The following DGKH variants were observed in gnomAD, a reference collection of about 807,000 sequenced individuals.
DGKH encodes diacylglycerol kinase eta.
DGKH carries 90 observed loss-of-function variants against 159.3 expected under a neutral mutation model. The observed-to-expected ratio is 0.57, with a 90% CI of 0.48 to 0.67. The LOEUF (loss-of-function observed/expected upper bound fraction) is 0.67. DGKH is among the 30% of genes least tolerant of loss of function. DGKH has a pLI of 0.00. For synonymous variants in DGKH, 536 were observed against 553.8 expected, an observed-to-expected ratio of 0.97 and a Z score of 0.45; for missense variants, 1,181 against 1,506.1, an observed-to-expected ratio of 0.78 and a Z score of 3.57.
At chr13:42,139,479 T>C (rs1955484297) in intron 3 of DGKH, among the ~76,000 whole-genome samples, 5 of 152,186 alleles carry the variant, frequency 3.3e-5, no homozygotes, top group Admixed American at 3.3e-4. Context: ...GGACTTTCAG[T>C]CAGGGTGTCA....
intron 1 of DGKH, among the ~76,000 whole-genome samples, chr13:42,083,948 G>C (rs1362687566): frequency 6.6e-6 from 1 of 152,140 alleles, no homozygotes; most frequent in Non-Finnish European, 1.5e-5. Flanking sequence ...CAGCATTCCT[G>C]CCCGTCTCTA....
In DGKH at chr13:42,040,561, G is replaced by C. The variant is rs1016563549; in HGVS notation, c.-13+435G>C. Among the ~76,000 whole-genome samples, 182 of 151,906 alleles carry C rather than the reference G, an allele frequency of 1.2e-3. 1 individual carries two copies. The highest frequency in any genetic ancestry group is 4.1e-3 in the African/African-American group (170 of 41,476). On this transcript the variant is annotated intron_variant, in intron 1 of 29. Transcript: ENST00000379274. The stretch of plus-strand genomic sequence containing the variant: ...GGGAGGGCGCCGGGGGCGGAGGAAG[G>C]AGCGAGGGGCGGATTCTGCGCCCGT...
chr13:42,224,310 G>T (rs1211838830), intron 29 of DGKH, among the ~76,000 whole-genome samples: 1 of 152,118 alleles, frequency 6.6e-6, no homozygotes. Flanking sequence ...GAGAAATGAG[G>T]CTCATACTTA....
chr13:42,186,299 T>C (rs1956927336), intron 13 of DGKH, among the ~76,000 whole-genome samples: 2 of 152,318 alleles, frequency 1.3e-5, no homozygotes, highest in African/African-American at 4.8e-5. Context: ...TTCTGTTGAT[T>C]GTTGTTTTTA....
chr13:42,093,211 T>C (rs1954455132), intron 1 of DGKH, among the ~76,000 whole-genome samples: 1 of 147,288 alleles, frequency 6.8e-6, no homozygotes, highest in Non-Finnish European at 1.5e-5. Flanking sequence ...GCTACTGCAC[T>C]CCAGCCTGGG....
chr13:42,168,363 C>A, intron 9 of DGKH, 77 bp from the exon 10 acceptor site: 1 of 1,238,716 alleles, frequency 8.1e-7, no homozygotes. Context: ...AATATGAATA[C>A]TGATACAGAA....
At chr13:42,218,388 A>G (rs897368034) in intron 26 of DGKH, among the ~76,000 whole-genome samples, 2 of 151,862 alleles carry the variant, frequency 1.3e-5, no homozygotes, top group African/African-American at 4.8e-5. Context: ...TCTAAGATTC[A>G]TGATTTTTTA....
At chr13:42,160,262 T>G in intron 7 of DGKH, 126 bp downstream of exon 7, 1 of 1,278,914 alleles carries the variant, frequency 7.8e-7, no homozygotes, top group Non-Finnish European at 1.1e-6. Flanking sequence ...ACGCATCTCA[T>G]GATGACATTC....
chr13:42,245,758 T>A (rs1489057190), downstream of DGKH, among the ~76,000 whole-genome samples: 1 of 151,930 alleles, frequency 6.6e-6, no homozygotes, highest in African/African-American at 2.4e-5. Flanking sequence ...GCTAATTTTT[T>A]AATTTTAGTA....
At chr13:42,103,907 T>C (rs1954699212) in intron 1 of DGKH, among the ~76,000 whole-genome samples, 1 of 152,134 alleles carries the variant, frequency 6.6e-6, no homozygotes, top group East Asian at 1.9e-4. Context: ...ATGACTACTA[T>C]AACTAATCAA....
intron 1 of DGKH, among the ~76,000 whole-genome samples, chr13:42,118,534 T>C (rs983284290): frequency 2.0e-5 from 3 of 152,218 alleles, no homozygotes; most frequent in Admixed American, 2.0e-4. Context: ...CTGTTCAGTG[T>C]CATAGGTGCT....
chr13:42,083,430 G>A (rs78996299), intron 1 of DGKH, among the ~76,000 whole-genome samples: 2,301 of 152,242 alleles, frequency 0.015, 62 homozygotes, highest in African/African-American at 0.05. Flanking sequence ...ATTCAGCTGC[G>A]AGGCTCAAAT....
chr13:42,083,208 T>C (rs545288219), intron 1 of DGKH, among the ~76,000 whole-genome samples: 1 of 152,244 alleles, frequency 6.6e-6, no homozygotes, highest in East Asian at 1.9e-4. Context: ...TTAAAATGTG[T>C]GTGAAGCAAA....
intron 1 of DGKH, among the ~76,000 whole-genome samples, chr13:42,042,050 T>G (rs1385207060): frequency 6.6e-6 from 1 of 152,218 alleles, no homozygotes; most frequent in Non-Finnish European, 1.5e-5. Context: ...TTCCTGACCT[T>G]TCAGAAGCGT....
At position 42,237,991 on chromosome 13, in the gene DGKH, A is replaced by G. The variant is rs371328529; in HGVS notation, c.*8803A>G. The G allele has an allele frequency of 6.6e-6, 1 of 152,226 alleles. No homozygotes were observed. The highest frequency in any genetic ancestry group is 1.9e-4 in the East Asian group (1 of 5,200). 9.4% of individuals were successfully genotyped at this position (152,226 alleles called of 1,614,324 possible). A position where few individuals can be genotyped will look rare whatever the true frequency, so the allele number is the denominator to read the frequency against. Reference sequence around the variant, plus strand: ...ACAATTATTGAAATTCACAATACCTAGAGATGGGAACATGGTTTAGGTTTA... The same window carrying G: ...ACAATTATTGAAATTCACAATACCTGGAGATGGGAACATGGTTTAGGTTTA... On this transcript the variant is annotated 3_prime_UTR_variant, in exon 30 of 30. Coordinates refer to ENST00000337343, the MANE Select transcript of DGKH (RefSeq NM_178009.5).
At chr13:42,190,332 C>T (rs1489211395) in intron 15 of DGKH, 71 bp from the exon 16 acceptor site, 6 of 1,534,374 alleles carry the variant, frequency 3.9e-6, no homozygotes, top group Non-Finnish European at 5.2e-6. Context: ...TTTGCCTTTC[C>T]TGAGCATATC....
chr13:42,109,210 T>A (rs1678189384), intron 1 of DGKH, among the ~76,000 whole-genome samples: 1 of 152,228 alleles, frequency 6.6e-6, no homozygotes, highest in African/African-American at 2.4e-5. Context: ...AGCTGGTATT[T>A]ACTGAGCACC....
rs1957521738 is a variant in DGKH at position 42,207,137 on chromosome 13, C to T, written c.2601+991C>T. Among the ~76,000 whole-genome samples the T allele has an allele frequency of 1.5e-3, 51 of 33,894 alleles. 4 individuals are homozygous for T. The highest frequency in any genetic ancestry group is 2.4e-3 in the South Asian group (2 of 822). 22.2% of individuals were successfully genotyped at this position (33,894 alleles called of 152,430 possible). ...TCTCTTTCTCTCTCCTTCCTTCCTT[C>T]CTTCCTTCCTTCCTTCCTTCCTTCC... On this transcript the variant is annotated intron_variant, in intron 21 of 29. Transcript: ENST00000337343.
chr13:42,042,772 T>C (rs1421410974), intron 1 of DGKH, among the ~76,000 whole-genome samples: 1 of 152,214 alleles, frequency 6.6e-6, no homozygotes, highest in African/African-American at 2.4e-5. Flanking sequence ...TCAGAGATCA[T>C]GGCTATGTGG....
Sources: gnomAD v4.1 joint callset for allele counts (sites outside exome capture counted in the v4.1 genomes callset) on GRCh38, gnomAD v4.1.1 for gene constraint, MANE v1.5 for transcripts, NCBI Gene and HGNC (gene_info 2026-07-23, HGNC 2026-07-21) for gene names.